Variants in B3GAT1 observed in about 807,000 individuals in gnomAD.
B3GAT1 encodes the protein galactosylgalactosylxylosylprotein 3-beta-glucuronosyltransferase 1.
A neutral mutation model predicts 28.4 loss-of-function variants in B3GAT1; 11 were observed. The ratio of observed to expected loss-of-function variants is 0.39; its 90% CI spans 0.24 to 0.64. The LOEUF (loss-of-function observed/expected upper bound fraction) is 0.64, where lower values mean the gene tolerates loss of function less well. B3GAT1 is among the 30% of genes least tolerant of loss of function. B3GAT1 has a pLI of 0.50. For missense variants in B3GAT1, 375 were observed against 491.0 expected, an observed-to-expected ratio of 0.76 and a Z score of 2.23; for synonymous variants, 255 against 223.1, an observed-to-expected ratio of 1.14 and a Z score of -1.27.
chr11:134,410,959 G>A (rs1209532344), intron 1 of B3GAT1, among the ~76,000 whole-genome samples: 1 of 152,234 alleles, frequency 6.6e-6, no homozygotes, highest in Non-Finnish European at 1.5e-5. Flanking sequence ...GAGTCCTTCA[G>A]CTCCAGCTTC....
chr11:134,382,668 G>T, intron 4 of B3GAT1, 42 bp downstream of exon 4: 2 of 1,588,322 alleles, frequency 1.3e-6, no homozygotes, highest in South Asian at 1.1e-5. Context: ...GGATGTACTT[G>T]AGACATTGCA....
At position 134,384,145 on chromosome 11, in the gene B3GAT1, G is replaced by A. The variant is rs768509148; in HGVS notation, c.156C>T (p.Asp52=). 6.4e-6 allele frequency: 10 copies of A among 1,566,788 alleles called. No homozygotes were observed. The South Asian group carries it at 9.2e-5, about 14-fold the overall frequency. Residue 52 remains aspartate (D), a synonymous_variant, in exon 3 of 6, where the codon GAC becomes GAT. Transcript: ENST00000312527. The part of the protein sequence containing the change: ...DPRRETPPGA[D]PREYCTSDRD... ...GGTCAGACGTGCAGTACTCCCTGGG[G>A]TCGGCGCCGGGCGGCGTTTCGCGTC...
intron 1 of B3GAT1, among the ~76,000 whole-genome samples, chr11:134,395,454 G>C (rs566202405): frequency 6.6e-6 from 1 of 152,030 alleles, no homozygotes; most frequent in African/African-American, 2.4e-5. Context: ...GAAGGCGTTC[G>C]GCAGGAATGT....
At chr11:134,407,990 C>A (rs141097609) in intron 1 of B3GAT1, among the ~76,000 whole-genome samples, 1 of 152,102 alleles carries the variant, frequency 6.6e-6, no homozygotes, top group East Asian at 1.9e-4. Context: ...TTTTAGACGA[C>A]CATTTGCTGA....
Position 134,387,620 on chromosome 11 carries a change from C to A in B3GAT1, c.40G>T (p.Val14Leu). ...GTGATGAGCAGAGTCCAGGGCAGCA[C>A]GATGAGGACGATCGCTAGGATGTCC... Reference protein sequence around the residue: ...RRDILAIVLIVLPWTLLITVW... With the variant: ...RRDILAIVLILLPWTLLITVW... The change falls in exon 2 of 6, where the codon GTG becomes TTG. Residue 14 changes from valine (V) to leucine (L), a missense_variant. Transcript: ENST00000312527. 6.2e-7 allele frequency: 1 copy of A among 1,614,126 alleles called. No individual in the cohort carries two copies. The highest frequency in any genetic ancestry group is 8.5e-7 in the Non-Finnish European group (1 of 1,180,036).
At chr11:134,409,676 CA>C (rs1329291121) in intron 1 of B3GAT1, 5 of 152,314 alleles carry the variant, frequency 3.3e-5, no homozygotes, top group African/African-American at 9.6e-5. Context: ...TGTAGGGGAA[CA>C]GGGGGAGGCC....
At position 134,389,194 on chromosome 11, in the gene B3GAT1, TGG is replaced by T. The variant is rs1174550009; in HGVS notation, c.-281-1256_-281-1255del. ...CTCACTGTGGTTTCAATTTGCATTTTGGTGACAGTCTTTTGAGGACAAAGAAG... is the reference window on the plus strand; with the variant it reads ...CTCACTGTGGTTTCAATTTGCATTTTTGACAGTCTTTTGAGGACAAAGAAG... On this transcript the variant is annotated intron_variant, in intron 1 of 5. Transcript: ENST00000312527. 194 of 152,366 alleles carry T rather than the reference TGG, an allele frequency of 1.3e-3. 1 individual carries two copies. Among genetic ancestry groups the T allele is most frequent in the African/African-American group, 4.4e-3 (182 of 41,596 alleles). 9.4% of individuals were successfully genotyped at this position (152,366 alleles called of 1,614,324 possible).
chr11:134,401,917 A>G (rs897500192), intron 1 of B3GAT1, among the ~76,000 whole-genome samples: 16 of 129,400 alleles, frequency 1.2e-4, no homozygotes, highest in Admixed American at 2.7e-4. Context: ...CTTGAGCTCA[A>G]TGGAAACTGG....
At chr11:134,401,179 TTGG>T (rs1944607099) in intron 1 of B3GAT1, among the ~76,000 whole-genome samples, 1 of 152,202 alleles carries the variant, frequency 6.6e-6, no homozygotes, top group Non-Finnish European at 1.5e-5. Flanking sequence ...GGAATGTGGT[TTGG>T]AGGTTTTCAA....
At position 134,411,967 on chromosome 11, in the gene B3GAT1, G is replaced by C. The variant is rs1424980931; in HGVS notation, c.-442C>G. ...CCCCGGGGGCCACTTCATAGCCGCG[G>C]GGTCCGCGCGCCCGCCCGCCCCGCC... On this transcript the variant is annotated 5_prime_UTR_variant, in exon 1 of 6. Coordinates refer to ENST00000312527, the MANE Select transcript of B3GAT1 (RefSeq NM_054025.3). The surrounding 1 kb of genome is among the most constrained non-coding windows in gnomAD (Gnocchi z 6.0). 3 of 141,270 alleles carry C rather than the reference G, an allele frequency of 2.1e-5. No individual in the cohort carries two copies. The highest frequency in any genetic ancestry group is 6.9e-5 in the Admixed American group (1 of 14,554). The allele number at this position is 141,270 out of a possible 1,614,324, so 8.8% of individuals were successfully genotyped here. A position where few individuals can be genotyped will look rare whatever the true frequency, so the allele number is the denominator to read the frequency against.
Position 134,383,553 on chromosome 11 carries a change from C to T in B3GAT1, c.621+127G>A, listed in dbSNP as rs956312007. 7.4e-5 allele frequency: 95 copies of T among 1,275,198 alleles called. 1 individual carries two copies. Among genetic ancestry groups the T allele is most frequent in the African/African-American group, 3.0e-4 (20 of 66,220 alleles). The allele number at this position is 1,275,198 out of a possible 1,614,324, so 79.0% of individuals were successfully genotyped here. A position where few individuals can be genotyped will look rare whatever the true frequency, so the allele number is the denominator to read the frequency against. ...CCTTTCCCTGGCTCTCTGCTGCCTG[C>T]CCCGCTCCCAGCCCGGCTTCCCGGG... On this transcript the variant is annotated intron_variant, in intron 3 of 5. Transcript: ENST00000312527.
At chr11:134,401,838 A>C (rs561192049) in intron 1 of B3GAT1, among the ~76,000 whole-genome samples, 1 of 152,276 alleles carries the variant, frequency 6.6e-6, no homozygotes, top group South Asian at 2.1e-4. Context: ...CTCATGGCTC[A>C]GTGGCGACCA....
chr11:134,404,027 A>ATATTTATTTATTTATTTATT (rs1233350965), intron 1 of B3GAT1, among the ~76,000 whole-genome samples: 9 of 106,750 alleles, frequency 8.4e-5, no homozygotes, highest in Non-Finnish European at 1.5e-4. Flanking sequence ...ATATATATAT[A>ATATTTATTTATTTATTTATT]TATTTATTAT....
chr11:134,387,832 C>T lies in B3GAT1; in HGVS notation c.-173G>A, dbSNP rs918390401. The T allele has an allele frequency of 3.0e-5, 46 of 1,532,650 alleles. No individual in the cohort carries two copies. The East Asian group carries it at 4.7e-4, about 16-fold the overall frequency. 94.9% of individuals were successfully genotyped at this position (1,532,650 alleles called of 1,614,324 possible). A position where few individuals can be genotyped will look rare whatever the true frequency, so the allele number is the denominator to read the frequency against. On this transcript the variant is annotated 5_prime_UTR_variant, in exon 2 of 6. In the 5' UTR this introduces an upstream ATG that the reference lacks. Coordinates refer to ENST00000312527, the MANE Select transcript of B3GAT1 (RefSeq NM_054025.3). Reference sequence around the variant, plus strand: ...TGTTGGCTAGCAGGTCTTACCAGCACTCACAACCCACCCATTGCGGAAGCA... The same window carrying T: ...TGTTGGCTAGCAGGTCTTACCAGCATTCACAACCCACCCATTGCGGAAGCA...
chr11:134,380,924 G>T (rs4937881), intron 5 of B3GAT1, among the ~76,000 whole-genome samples, 177 bp from the exon 6 acceptor site: 80,968 of 151,986 alleles, frequency 0.53, 22,781 homozygotes, highest in East Asian at 0.92. Flanking sequence ...GCAGGAGGCA[G>T]AAGTGAGGCT....
At chr11:134,397,281 C>T (rs1290292882) in intron 1 of B3GAT1, among the ~76,000 whole-genome samples, 1 of 152,196 alleles carries the variant, frequency 6.6e-6, no homozygotes, top group East Asian at 1.9e-4. Flanking sequence ...CCTCCAACCC[C>T]AGCCTGCGAC....
intron 4 of B3GAT1, 61 bp from the exon 5 acceptor site, chr11:134,382,085 C>T: frequency 2.2e-6 from 3 of 1,370,550 alleles, no homozygotes; most frequent in Non-Finnish European, 3.1e-6. Flanking sequence ...CTGCTGCCTC[C>T]CTGCTCCCTC....
rs1380355988 is a variant in B3GAT1, at chr11:134,401,807, A to G, written c.-282+10000T>C. On this transcript the variant is annotated intron_variant, in intron 1 of 5. Transcript: ENST00000312527. ...TGCCTGGGAGAGGAAGGGCAGAGGAAGGAGGCACCTTGGCCCCTTCCTCAT... is the reference window on the plus strand; with the variant it reads ...TGCCTGGGAGAGGAAGGGCAGAGGAGGGAGGCACCTTGGCCCCTTCCTCAT... 3.3e-5 allele frequency among the ~76,000 whole-genome samples: 5 copies of G among 152,292 alleles called. No homozygotes were observed. The East Asian group carries it at 7.7e-4, about 24-fold the overall frequency.
chr11:134,391,975 G>T (rs543101483), intron 1 of B3GAT1: 1 of 152,408 alleles, frequency 6.6e-6, no homozygotes, highest in Non-Finnish European at 1.5e-5. Context: ...TGTCCGGCAG[G>T]TGCTCCACGG....
Sources: gnomAD v4.1 joint callset for allele counts (sites outside exome capture counted in the v4.1 genomes callset) on GRCh38, gnomAD v4.1.1 for gene constraint, Gnocchi (gnomAD v3.1) non-coding constraint, MANE v1.5 for transcripts, NCBI Gene and HGNC (gene_info 2026-07-23, HGNC 2026-07-21) for gene names.